The following UBASH3B variants were observed in gnomAD, a reference collection of about 807,000 sequenced individuals.
UBASH3B encodes the protein ubiquitin-associated and SH3 domain-containing protein B.
A neutral mutation model predicts 83.4 loss-of-function variants in UBASH3B; 37 were observed. That is an observed-to-expected ratio of 0.44 (90% CI 0.34 to 0.58). The LOEUF (loss-of-function observed/expected upper bound fraction) is 0.58. UBASH3B is among the 20% of genes least tolerant of loss of function. The pLI, the probability that UBASH3B is intolerant of heterozygous loss-of-function variation, is 0.01. For synonymous variants in UBASH3B, 304 were observed against 318.3 expected (o/e 0.96, Z 0.48); for missense variants, 657 against 827.2 (o/e 0.79, Z 2.52).
At chr11:122,799,680 T>G (rs1861217840) in intron 10 of UBASH3B, among the ~76,000 whole-genome samples, 1 of 152,192 alleles carries the variant, frequency 6.6e-6, no homozygotes, top group South Asian at 2.1e-4. Flanking sequence ...TTGCCTCCTG[T>G]TGACAGCAGC....
intron 1 of UBASH3B, among the ~76,000 whole-genome samples, chr11:122,711,457 A>G (rs1276274635): frequency 2.6e-5 from 4 of 152,252 alleles, no homozygotes; most frequent in Non-Finnish European, 4.4e-5. Flanking sequence ...AGACTCAGGC[A>G]GAGTGAAGCT....
rs754704633 is a variant in UBASH3B, at chr11:122,776,240, G to A, written c.183G>A (p.Thr61=). The change falls in exon 2 of 14, where the codon ACG becomes ACA. Residue 61 remains threonine (T), a synonymous_variant. Coordinates refer to ENST00000284273, the MANE Select transcript of UBASH3B (RefSeq NM_032873.5). ...TCAGACAAAAAGCCTTGGCATCCAC[G>A]GGAGGAAGAAGTGTTCAGGCAGCAT... ...RARAQKALAS[T]GGRSVQAACD... is the part of the protein sequence containing the mutation. The A allele has an allele frequency of 3.7e-5, 59 of 1,609,542 alleles. 1 individual carries two copies. Among genetic ancestry groups the A allele is most frequent in the Admixed American group, 3.4e-4 (20 of 58,540 alleles).
chr11:122,681,307 A>G (rs1243151170), intron 1 of UBASH3B, among the ~76,000 whole-genome samples: 2 of 152,220 alleles, frequency 1.3e-5, no homozygotes, highest in African/African-American at 4.8e-5. Flanking sequence ...AAATTTCTAC[A>G]TACATAGCCC....
intron 1 of UBASH3B, among the ~76,000 whole-genome samples, chr11:122,666,752 C>A (rs1354974764): frequency 1.3e-5 from 2 of 152,210 alleles, no homozygotes; most frequent in African/African-American, 4.8e-5. Flanking sequence ...CCTTGAATTG[C>A]CTGATTGCTC....
intron 1 of UBASH3B, among the ~76,000 whole-genome samples, chr11:122,773,530 G>A (rs1860682823): frequency 6.6e-6 from 1 of 152,134 alleles, no homozygotes; most frequent in African/African-American, 2.4e-5. Flanking sequence ...CTGTCAGAAA[G>A]TCCCTCCTGG....
At chr11:122,790,038 G>A (rs1273491786) in intron 6 of UBASH3B, among the ~76,000 whole-genome samples, 2 of 152,148 alleles carry the variant, frequency 1.3e-5, no homozygotes, top group African/African-American at 2.4e-5. Flanking sequence ...CAAAGCCAGC[G>A]CTTCCCTGGC....
At chr11:122,804,759 T>G (rs1861309185) in intron 11 of UBASH3B, among the ~76,000 whole-genome samples, 1 of 152,182 alleles carries the variant, frequency 6.6e-6, no homozygotes, top group Admixed American at 6.5e-5. Context: ...TGTGAATTCA[T>G]TTTGAGAACT....
intron 13 of UBASH3B, among the ~76,000 whole-genome samples, chr11:122,808,796 A>G (rs1243403438): frequency 6.6e-6 from 1 of 152,152 alleles, no homozygotes; most frequent in Non-Finnish European, 1.5e-5. Flanking sequence ...CTTTTTTCAC[A>G]TTTTTGAAAA....
In UBASH3B at chr11:122,655,879, G is replaced by C; in HGVS notation, c.-171G>C. ...GTTCTGGCTCCTGTGGCCTCACCAG[G>C]AAGCGTCAGAGTCCCGACACTGGGG... On this transcript the variant is annotated 5_prime_UTR_variant, in exon 1 of 14. Coordinates refer to ENST00000284273, the MANE Select transcript of UBASH3B (RefSeq NM_032873.5). 1 of 704,428 alleles carries C rather than the reference G, an allele frequency of 1.4e-6. No individual in the cohort carries two copies. The highest frequency in any genetic ancestry group is 2.2e-6 in the Non-Finnish European group (1 of 464,754). The allele number at this position is 704,428 out of a possible 1,614,324, so 43.6% of individuals were successfully genotyped here. A position where few individuals can be genotyped will look rare whatever the true frequency, so the allele number is the denominator to read the frequency against.
chr11:122,794,298 C>T (rs1237868723), intron 6 of UBASH3B, among the ~76,000 whole-genome samples: 1 of 152,120 alleles, frequency 6.6e-6, no homozygotes, highest in East Asian at 1.9e-4. Flanking sequence ...CTCCACCTCC[C>T]AGGTTCAAGA....
chr11:122,753,355 G>A (rs1220344198), intron 1 of UBASH3B, among the ~76,000 whole-genome samples: 1 of 151,772 alleles, frequency 6.6e-6, no homozygotes, highest in Admixed American at 6.6e-5. Flanking sequence ...GCAGGCTGAG[G>A]CAGGAGAATG....
chr11:122,663,373 T>C lies in UBASH3B; in HGVS notation c.161+7163T>C, dbSNP rs531382597. Among the ~76,000 whole-genome samples, 4 of 152,288 alleles carry C rather than the reference T, an allele frequency of 2.6e-5. No individual in the cohort carries two copies. In the East Asian group the frequency reaches 7.7e-4, roughly 29 times the overall value. On this transcript the variant is annotated intron_variant, in intron 1 of 13. Coordinates refer to ENST00000284273, the MANE Select transcript of UBASH3B (RefSeq NM_032873.5). The stretch of plus-strand genomic sequence containing the variant: ...ATAATCACTATTAAGTCTCAGACAT[T>C]GATAATTTAATGAGGAAACTGAGGT...
At position 122,801,534 on chromosome 11, in the gene UBASH3B, G is replaced by C. The variant is rs116762157; in HGVS notation, c.1595+202G>C. Among the ~76,000 whole-genome samples the C allele has an allele frequency of 7.8e-3, 1,185 of 152,336 alleles. 14 individuals are homozygous for C. Among genetic ancestry groups the C allele is most frequent in the African/African-American group, 0.027 (1,139 of 41,572 alleles). ...TCATATTTGGCATTAGTGTGGATTA[G>C]ATTCTCCAGCCTCACCCCCGTGTTG... On this transcript the variant is annotated intron_variant, in intron 11 of 13. Transcript: ENST00000284273.
Position 122,779,582 on chromosome 11 carries a change from C to T in UBASH3B, c.488C>T (p.Pro163Leu), listed in dbSNP as rs190173449. ...RWKCKFSAPL[P>L]LELYTSSNFI... Reference sequence around the variant, plus strand: ...AAATGTAAGTTCTCGGCCCCGCTGCCCCTGGAGCTCTATACGTCGTCCAAC... The same window carrying T: ...AAATGTAAGTTCTCGGCCCCGCTGCTCCTGGAGCTCTATACGTCGTCCAAC... Residue 163 changes from proline to leucine, a missense_variant, in exon 4 of 14, where the codon CCC (proline) becomes CTC (leucine). Around this residue, in one of 3 missense-constraint regions of UBASH3B, gnomAD observed 573 missense variants for 739.0 expected, o/e 0.78. Coordinates refer to ENST00000284273, the MANE Select transcript of UBASH3B (RefSeq NM_032873.5). 6.2e-7 allele frequency: 1 copy of T among 1,614,138 alleles called. No individual in the cohort carries two copies. The highest frequency in any genetic ancestry group is 1.3e-5 in the African/African-American group (1 of 75,024).
chr11:122,660,744 G>GT (rs376985947), intron 1 of UBASH3B, among the ~76,000 whole-genome samples: 3 of 152,236 alleles, frequency 2.0e-5, no homozygotes, highest in African/African-American at 7.2e-5. Flanking sequence ...ACCCTGATGA[G>GT]TTTTTTTATT....
intron 1 of UBASH3B, among the ~76,000 whole-genome samples, chr11:122,721,238 G>A (rs1860629640): frequency 9.7e-6 from 1 of 103,606 alleles, no homozygotes; most frequent in Non-Finnish European, 1.8e-5. Context: ...GAGCAAGACT[G>A]TGTCTCAAAA....
chr11:122,695,205 C>G (rs1863951594), intron 1 of UBASH3B, among the ~76,000 whole-genome samples: 1 of 152,100 alleles, frequency 6.6e-6, no homozygotes, highest in Non-Finnish European at 1.5e-5. Context: ...CTCAAGTGAT[C>G]CACCCGTCTT....
At chr11:122,657,508 C>T (rs956153518) in intron 1 of UBASH3B, among the ~76,000 whole-genome samples, 3 of 152,040 alleles carry the variant, frequency 2.0e-5, no homozygotes, top group Admixed American at 6.6e-5. Context: ...AGGCTGGTCT[C>T]GAACTCCTGA....
rs530513275 is a variant in UBASH3B at position 122,777,937 on chromosome 11, C to T, written c.402+727C>T. Among the ~76,000 whole-genome samples, 39 of 152,008 alleles carry T rather than the reference C, an allele frequency of 2.6e-4. 1 individual carries two copies. The South Asian group carries it at 5.2e-3, about 20-fold the overall frequency. ...TAGAGACGGGGTTTCACCATGTTGG[C>T]CAGGCTGGTCTTGAACTCTTCACCT... On this transcript the variant is annotated intron_variant, in intron 3 of 13. Transcript: ENST00000284273.
Sources: gnomAD v4.1 joint callset for allele counts (sites outside exome capture counted in the v4.1 genomes callset) on GRCh38, gnomAD v4.1.1 for gene constraint, gnomAD v4.1.1 regional missense constraint, MANE v1.5 for transcripts, NCBI Gene and HGNC (gene_info 2026-07-23, HGNC 2026-07-21) for gene names.